CLVS1: variants seen among roughly 807,000 people sequenced by gnomAD.
The protein encoded by CLVS1 is clavesin 1.
A neutral mutation model predicts 33.1 loss-of-function variants in CLVS1; 10 were observed. That is an observed-to-expected ratio of 0.30 (90% CI 0.19 to 0.51). The LOEUF (loss-of-function observed/expected upper bound fraction) is 0.51, where lower values mean the gene tolerates loss of function less well. Ranked by LOEUF, CLVS1 falls within the 20% of genes least tolerant of loss-of-function variation. The pLI, the probability that CLVS1 is intolerant of heterozygous loss-of-function variation, is 0.97. For missense variants in CLVS1, 343 were observed against 433.4 expected (o/e 0.79, Z 1.85); for synonymous variants, 163 against 166.1 (o/e 0.98, Z 0.14).
intron 2 of CLVS1, among the ~76,000 whole-genome samples, chr8:61,139,634 GGA>G (rs1242049338): frequency 6.6e-6 from 1 of 152,056 alleles, no homozygotes; most frequent in East Asian, 1.9e-4. Flanking sequence ...GGGGCCAGGT[GGA>G]AGGCGACATC....
the CLVS1 span, among the ~76,000 whole-genome samples, chr8:61,029,458 T>C: frequency 6.6e-6 from 1 of 152,036 alleles, no homozygotes; most frequent in South Asian, 2.1e-4. Flanking sequence ...TCATCGAGGG[T>C]TTGAGAATCA....
At chr8:61,192,798 T>C (rs1013370159) in intron 2 of CLVS1, among the ~76,000 whole-genome samples, 4 of 152,056 alleles carry the variant, frequency 2.6e-5, no homozygotes, top group African/African-American at 4.8e-5. Flanking sequence ...ATCAGAGAAA[T>C]GCAAATCAAA....
intron 1 of CLVS1, among the ~76,000 whole-genome samples, chr8:61,109,913 C>T (rs1451260901): frequency 6.6e-6 from 1 of 152,140 alleles, no homozygotes; most frequent in Non-Finnish European, 1.5e-5. Context: ...AAGATGCGCC[C>T]CATCAACCTT....
At chr8:61,345,208 T>C (rs974807816) in intron 2 of CLVS1, among the ~76,000 whole-genome samples, 1 of 152,198 alleles carries the variant, frequency 6.6e-6, no homozygotes, top group African/African-American at 2.4e-5. Flanking sequence ...AAGTTCCACT[T>C]GGTTTCTCAA....
chr8:61,403,915 A>T (rs1419926722), intron 3 of CLVS1, among the ~76,000 whole-genome samples: 1 of 152,156 alleles, frequency 6.6e-6, no homozygotes, highest in Non-Finnish European at 1.5e-5. Context: ...TGTGTGATCA[A>T]GAAGGCTTCA....
intron 1 of CLVS1, among the ~76,000 whole-genome samples, chr8:61,062,828 A>T (rs563272117): frequency 5.9e-5 from 9 of 152,028 alleles, no homozygotes; most frequent in Admixed American, 2.6e-4. Flanking sequence ...CTTCTTACAA[A>T]CTCCTGACTT....
At chr8:61,236,605 C>G (rs1009977460) in intron 2 of CLVS1, among the ~76,000 whole-genome samples, 1 of 152,120 alleles carries the variant, frequency 6.6e-6, no homozygotes, top group East Asian at 1.9e-4. Flanking sequence ...GGGTGGGCAG[C>G]CTTTTTCTTT....
intron 1 of CLVS1, among the ~76,000 whole-genome samples, chr8:61,296,011 A>T (rs1585763323): frequency 6.6e-6 from 1 of 152,194 alleles, no homozygotes; most frequent in African/African-American, 2.4e-5. Context: ...TATAATTTGG[A>T]AAAGTTGAAT....
At chr8:61,054,539 T>C (rs903706468), upstream of CLVS1, among the ~76,000 whole-genome samples, 3 of 152,184 alleles carry the variant, frequency 2.0e-5, no homozygotes, top group Non-Finnish European at 4.4e-5. Context: ...GATGTTTCTC[T>C]GGCCTGGAGC....
chr8:61,000,890 C>T, the CLVS1 span, among the ~76,000 whole-genome samples: 1 of 152,066 alleles, frequency 6.6e-6, no homozygotes, highest in Non-Finnish European at 1.5e-5. Context: ...TCAGGGAGTC[C>T]ACTTCTGAAC....
At chr8:61,118,722 C>T (rs1289654179) in intron 1 of CLVS1, among the ~76,000 whole-genome samples, 1 of 151,930 alleles carries the variant, frequency 6.6e-6, no homozygotes, top group African/African-American at 2.4e-5. Context: ...TTTGATTGCA[C>T]TGTGGTCTGA....
chr8:61,252,633 A>G (rs1178190474), intron 2 of CLVS1, among the ~76,000 whole-genome samples: 1 of 152,192 alleles, frequency 6.6e-6, no homozygotes. Context: ...TAGGATAATT[A>G]GCTCTTCCTG....
At chr8:61,344,192 GAAAA>G in intron 2 of CLVS1, among the ~76,000 whole-genome samples, 1 of 151,832 alleles carries the variant, frequency 6.6e-6, no homozygotes, top group Middle Eastern at 3.4e-3. Context: ...ATTAAAAAAA[GAAAA>G]AAAAGAAAGT....
At chr8:61,064,894 G>C (rs201159248) in intron 1 of CLVS1, among the ~76,000 whole-genome samples, 8 of 152,176 alleles carry the variant, frequency 5.3e-5, no homozygotes, top group Admixed American at 2.6e-4. Flanking sequence ...GTAGAGACAG[G>C]GTTTCACCAA....
At chr8:61,286,498 C>T (rs1809783669), upstream of CLVS1, among the ~76,000 whole-genome samples, 1 of 152,212 alleles carries the variant, frequency 6.6e-6, no homozygotes, top group African/African-American at 2.4e-5. Flanking sequence ...CTTATTGCTA[C>T]ATCATTTCCA....
At chr8:61,318,131 T>C (rs1811074005) in intron 2 of CLVS1, among the ~76,000 whole-genome samples, 1 of 152,224 alleles carries the variant, frequency 6.6e-6, no homozygotes, top group African/African-American at 2.4e-5. Context: ...TTATTTTCCT[T>C]GAACTCTCTG....
At chr8:61,354,848 A>T (rs973613352) in intron 2 of CLVS1, among the ~76,000 whole-genome samples, 1 of 152,212 alleles carries the variant, frequency 6.6e-6, no homozygotes, top group African/African-American at 2.4e-5. Flanking sequence ...AAAGGGCAAC[A>T]TGTAGGGTCT....
In CLVS1 at chr8:61,232,041, T is replaced by TTTTTTTTTTTTTTTTTTTTTTG. The variant is rs1554548394; in HGVS notation, c.-151-67627_-151-67626insTTTTTTTTTTTTGTTTTTTTTT. Among the ~76,000 whole-genome samples, 23 of 116,010 alleles carry TTTTTTTTTTTTTTTTTTTTTTG rather than the reference T, an allele frequency of 2.0e-4. 1 individual carries two copies. Among genetic ancestry groups the TTTTTTTTTTTTTTTTTTTTTTG allele is most frequent in the East Asian group, 1.6e-3 (6 of 3,638 alleles). The allele number at this position is 116,010 out of a possible 152,430, so 76.1% of individuals were successfully genotyped here. A position where few individuals can be genotyped will look rare whatever the true frequency, so the allele number is the denominator to read the frequency against. ...AGTTGTGGTTTTTTTTTTTTTTTTT[T>TTTTTTTTTTTTTTTTTTTTTTG]TTTTTTTTTGTGAGATGGAGTCTCG... On this transcript the variant is annotated intron_variant, in intron 2 of 2. Transcript: ENST00000522621.
At chr8:61,146,297 G>C (rs927514920) in intron 2 of CLVS1, among the ~76,000 whole-genome samples, 2 of 152,156 alleles carry the variant, frequency 1.3e-5, no homozygotes, top group Non-Finnish European at 2.9e-5. Flanking sequence ...ATAAACCTAT[G>C]AACCTAATAT....
Sources: allele counts gnomAD v4.1 joint callset (sites outside exome capture counted in the v4.1 genomes callset), GRCh38; gene constraint gnomAD v4.1.1; transcripts MANE v1.5; gene names NCBI Gene and HGNC (gene_info 2026-07-23, HGNC 2026-07-21).